ANKRD31: variants seen among roughly 807,000 people sequenced by gnomAD.
ANKRD31 encodes ankyrin repeat domain-containing protein 31.
ANKRD31 carries 147 observed loss-of-function variants against 186.0 expected under a neutral mutation model. The observed-to-expected ratio is 0.79, with a 90% CI of 0.69 to 0.91. The LOEUF (loss-of-function observed/expected upper bound fraction) is 0.91, where lower values mean the gene tolerates loss of function less well. Among genes scored for constraint, ANKRD31 ranks in the 40% least tolerant of loss-of-function variants. ANKRD31 has a pLI of 0.00. For missense variants in ANKRD31, 1,986 were observed against 2,148.8 expected (o/e 0.92, Z 1.50); for synonymous variants, 673 against 736.4 (o/e 0.91, Z 1.39).
Position 75,097,651 on chromosome 5 carries a change from CATTAGTTTA to C in ANKRD31, c.5332-6259_5332-6251del, listed in dbSNP as rs1488992269. Among the ~76,000 whole-genome samples, 18 of 152,182 alleles carry C rather than the reference CATTAGTTTA, an allele frequency of 1.2e-4. 1 individual carries two copies. Among genetic ancestry groups the C allele is most frequent in the Admixed American group, 1.2e-3 (18 of 15,266 alleles). On this transcript the variant is annotated intron_variant, in intron 22 of 25. Coordinates refer to ENST00000506364, the MANE Select transcript of ANKRD31 (RefSeq NM_001372053.1). ...CAGTTTCTTTTCCTGTGCAGAAGCT[CATTAGTTTA>C]ATTAGATCCCATTTGTCAGTTTTGG...
chr5:75,175,436 A>G (rs1008662024), intron 10 of ANKRD31, among the ~76,000 whole-genome samples: 2 of 152,192 alleles, frequency 1.3e-5, no homozygotes, highest in African/African-American at 2.4e-5. Context: ...ACCTATAGTT[A>G]AAATCATGTT....
At chr5:75,133,567 C>G (rs1367652913) in intron 17 of ANKRD31, among the ~76,000 whole-genome samples, 14 of 152,024 alleles carry the variant, frequency 9.2e-5, no homozygotes, top group Admixed American at 5.2e-4. Context: ...ATAATAATGG[C>G]AGACTTTAAC....
intron 2 of ANKRD31, among the ~76,000 whole-genome samples, chr5:75,226,640 C>T (rs1341394108): frequency 6.6e-6 from 1 of 152,096 alleles, no homozygotes; most frequent in Non-Finnish European, 1.5e-5. Context: ...AGAAGACATA[C>T]AAATGGCAAA....
rs751225423 is a variant in ANKRD31, at chr5:75,170,810, C to T, written c.1565-1689G>A. Among the ~76,000 whole-genome samples the T allele has an allele frequency of 3.3e-5, 5 of 151,894 alleles. No individual in the cohort carries two copies. The East Asian group carries it at 9.6e-4, about 29-fold the overall frequency. On this transcript the variant is annotated intron_variant, in intron 10 of 25. Coordinates refer to ENST00000506364, the MANE Select transcript of ANKRD31 (RefSeq NM_001372053.1). ...AAACATATCGTAAATAAGCAGTAAA[C>T]ATAAGAAGGCTAGATGTCTATATTA...
At chr5:75,099,816 CTTTTT>C (rs1382306304) in intron 22 of ANKRD31, among the ~76,000 whole-genome samples, 1 of 152,018 alleles carries the variant, frequency 6.6e-6, no homozygotes, top group Non-Finnish European at 1.5e-5. Flanking sequence ...TTTGACTCTT[CTTTTT>C]TATCAGTCTT....
At chr5:75,128,175 G>A (rs2150103365) in intron 17 of ANKRD31, among the ~76,000 whole-genome samples, 1 of 151,806 alleles carries the variant, frequency 6.6e-6, no homozygotes, top group Non-Finnish European at 1.5e-5. Context: ...TGAGAGCACT[G>A]CATGTTCTCA....
chr5:75,114,432 A>C (rs1290267496), intron 19 of ANKRD31, among the ~76,000 whole-genome samples: 1 of 152,216 alleles, frequency 6.6e-6, no homozygotes, highest in African/African-American at 2.4e-5. Context: ...ACCACATAGC[A>C]TAACTTCCAG....
At chr5:75,075,479 G>C (rs1744561456) in intron 25 of ANKRD31, among the ~76,000 whole-genome samples, 1 of 152,132 alleles carries the variant, frequency 6.6e-6, no homozygotes, top group African/African-American at 2.4e-5. Context: ...AAGAAGTTAG[G>C]AAACTGAGAC....
chr5:75,230,509 G>A (rs778405850), intron 2 of ANKRD31, 53 bp downstream of exon 2: 18 of 1,363,300 alleles, frequency 1.3e-5, no homozygotes, highest in Non-Finnish European at 1.8e-5. Context: ...GACATTAAAT[G>A]GGGACTAACT....
chr5:75,112,486 C>G (rs898010211), intron 20 of ANKRD31, 27 bp downstream of exon 20: 4 of 1,387,992 alleles, frequency 2.9e-6, no homozygotes, highest in Non-Finnish European at 3.9e-6. Flanking sequence ...CTGAAAATAT[C>G]ATACTTGAGT....
intron 23 of ANKRD31, among the ~76,000 whole-genome samples, chr5:75,087,702 T>G (rs1173784339): frequency 6.6e-6 from 1 of 152,156 alleles, no homozygotes; most frequent in Admixed American, 6.5e-5. Context: ...GTAGGTTTTC[T>G]TTTAAATTCA....
intron 21 of ANKRD31, 123 bp from the exon 22 acceptor site, chr5:75,105,341 G>C: frequency 9.3e-7 from 1 of 1,072,028 alleles, no homozygotes; most frequent in Non-Finnish European, 1.2e-6. Flanking sequence ...ACAAAACTAT[G>C]CCTGTGCAAT....
At chr5:75,118,046 T>C (rs1748438408) in intron 18 of ANKRD31, 89 bp downstream of exon 18, 2 of 1,042,586 alleles carry the variant, frequency 1.9e-6, no homozygotes, top group Non-Finnish European at 2.5e-6. Context: ...TCTATCCCAG[T>C]TATGAAACAA....
intron 3 of ANKRD31, 33 bp from the exon 4 acceptor site, chr5:75,210,898 A>C (rs1561540110): frequency 7.0e-7 from 1 of 1,431,388 alleles, no homozygotes; most frequent in Admixed American, 2.5e-5. Flanking sequence ...TTTCCAACTG[A>C]TAAGTGTTAA....
intron 6 of ANKRD31, 93 bp from the exon 7 acceptor site, chr5:75,196,293 T>C (rs916900173): frequency 1.6e-5 from 16 of 1,011,742 alleles, no homozygotes; most frequent in Non-Finnish European, 2.0e-5. Flanking sequence ...ATCTTGTTTG[T>C]AAGCTACCCT....
At chr5:75,071,448 A>G (rs1744215894) in intron 25 of ANKRD31, among the ~76,000 whole-genome samples, 1 of 151,404 alleles carries the variant, frequency 6.6e-6, no homozygotes, top group Admixed American at 6.6e-5. Context: ...ACAAGATCAT[A>G]ATGCCTAATT....
intron 19 of ANKRD31, among the ~76,000 whole-genome samples, chr5:75,115,838 C>G (rs369543249): frequency 7.9e-5 from 12 of 151,944 alleles, no homozygotes; most frequent in South Asian, 2.1e-4. Flanking sequence ...AACCATTGTG[C>G]AAGTCAGTGT....
At chr5:75,181,893 A>AT (rs1754333648) in intron 10 of ANKRD31, among the ~76,000 whole-genome samples, 1 of 104,520 alleles carries the variant, frequency 9.6e-6, no homozygotes, top group Non-Finnish European at 1.7e-5. Context: ...AATAGTAATG[A>AT]TAAAAAAAAA....
intron 24 of ANKRD31, 79 bp downstream of exon 24, chr5:75,084,193 C>T: frequency 3.8e-6 from 4 of 1,053,636 alleles, no homozygotes; most frequent in Non-Finnish European, 1.4e-6. Flanking sequence ...AGAAAAAAGA[C>T]AAAATAAAAT....
Sources: gnomAD v4.1 joint callset for allele counts (sites outside exome capture counted in the v4.1 genomes callset) on GRCh38, gnomAD v4.1.1 for gene constraint, MANE v1.5 for transcripts, NCBI Gene and HGNC (gene_info 2026-07-23, HGNC 2026-07-21) for gene names.